The following DAOA variants were observed in gnomAD, a reference collection of about 807,000 sequenced individuals.
The protein encoded by DAOA is D-amino acid oxidase regulator.
A neutral mutation model predicts 16.4 loss-of-function variants in DAOA; 15 were observed. That is an observed-to-expected ratio of 0.91 (90% CI 0.61 to 1.41). The LOEUF (loss-of-function observed/expected upper bound fraction) is 1.41. Ranked by LOEUF, DAOA falls within the 40% of genes most tolerant of loss-of-function variation. The probability of loss-of-function intolerance (pLI) is 0.00; values close to 1 mark genes in which losing one functional copy is unlikely to be tolerated. For synonymous variants in DAOA, 75 were observed against 59.1 expected, an observed-to-expected ratio of 1.27 and a Z score of -1.23; for missense variants, 230 against 176.8, an observed-to-expected ratio of 1.30 and a Z score of -1.71.
chr13:105,467,262 A>G, intron 3 of DAOA, 121 bp downstream of exon 3: 1 of 1,083,178 alleles, frequency 9.2e-7, no homozygotes, highest in Non-Finnish European at 1.3e-6. Flanking sequence ...ATTAATTTGT[A>G]AGATACAGGA....
chr13:105,470,265 C>T (rs1876838352), intron 3 of DAOA, among the ~76,000 whole-genome samples: 1 of 152,062 alleles, frequency 6.6e-6, no homozygotes. Context: ...GTATTAAGCA[C>T]ACTGTCCTCA....
At chr13:105,473,459 A>T (rs1006234330) in intron 4 of DAOA, among the ~76,000 whole-genome samples, 1 of 152,178 alleles carries the variant, frequency 6.6e-6, no homozygotes, top group African/African-American at 2.4e-5. Context: ...AGTTAAAATC[A>T]GTTGCAAAAT....
chr13:105,472,408 C>T (rs1877021392), intron 3 of DAOA, 130 bp from the exon 4 acceptor site: 32 of 1,322,888 alleles, frequency 2.4e-5, no homozygotes, highest in Non-Finnish European at 3.2e-5. Context: ...TTGTCTTAAC[C>T]AAAAACCTCT....
intron 5 of DAOA, 170 bp downstream of exon 5, chr13:105,490,362 G>A (rs966818086): frequency 1.0e-5 from 2 of 196,156 alleles, no homozygotes; most frequent in Non-Finnish European, 1.9e-5. Flanking sequence ...ATTATTGAAA[G>A]TTACACATAC....
At chr13:105,488,835 A>G (rs1878314248) in intron 4 of DAOA, among the ~76,000 whole-genome samples, 1 of 152,140 alleles carries the variant, frequency 6.6e-6, no homozygotes, top group Admixed American at 6.6e-5. Flanking sequence ...TGTTTCAAAT[A>G]CTCTGATGGT....
chr13:105,475,899 C>A (rs1877297093), intron 4 of DAOA, among the ~76,000 whole-genome samples: 1 of 152,008 alleles, frequency 6.6e-6, no homozygotes, highest in Non-Finnish European at 1.5e-5. Flanking sequence ...TGTGTAATGG[C>A]TTCAATTATT....
intron 3 of DAOA, 52 bp from the exon 4 acceptor site, chr13:105,472,486 A>T: frequency 6.4e-7 from 1 of 1,555,712 alleles, no homozygotes; most frequent in South Asian, 1.2e-5. Context: ...TGTATGTTAA[A>T]AGATGTGATA....
At chr13:105,476,356 T>G (rs1048387506) in intron 4 of DAOA, among the ~76,000 whole-genome samples, 1 of 152,012 alleles carries the variant, frequency 6.6e-6, no homozygotes, top group African/African-American at 2.4e-5. Context: ...ACTTTTTAAA[T>G]AGACCAAATT....
At position 105,469,749 on chromosome 13, in the gene DAOA, A is replaced by C. The variant is rs541348715; in HGVS notation, c.133+2608A>C. Among the ~76,000 whole-genome samples the C allele has an allele frequency of 9.3e-4, 142 of 152,322 alleles. 2 individuals carry two copies. Among genetic ancestry groups the C allele is most frequent in the African/African-American group, 3.1e-3 (128 of 41,580 alleles). On this transcript the variant is annotated intron_variant, in intron 3 of 5. Transcript: ENST00000375936. Reference sequence around the variant, plus strand: ...TAAAAGCCCTAAATTTGTCAAGAAAAAGAAAATGGTATCAAGCTGAATTTT... The same window carrying C: ...TAAAAGCCCTAAATTTGTCAAGAAACAGAAAATGGTATCAAGCTGAATTTT...
chr13:105,472,652 C>CT lies in DAOA; in HGVS notation c.250dup (p.Trp84LeufsTer13). On this transcript the variant is annotated frameshift_variant, in exon 4 of 6. Coordinates refer to ENST00000375936, the MANE Select transcript of DAOA (RefSeq NM_172370.5). LOFTEE classifies it high-confidence loss of function. ...AGGCATTTACAGAGATCATTATGTCCTTGGGTCTCTTACCTTCCTCAGCCC... is the reference window on the plus strand; with the variant it reads ...AGGCATTTACAGAGATCATTATGTCCTTTGGGTCTCTTACCTTCCTCAGCCC... The CT allele has an allele frequency of 6.2e-7, 1 of 1,613,970 alleles. No individual in the cohort carries two copies.
At chr13:105,490,445 T>C (rs993002899) in intron 5 of DAOA, 2 of 153,118 alleles carry the variant, frequency 1.3e-5, no homozygotes, top group African/African-American at 4.8e-5. Context: ...TTTTGAATAG[T>C]TAGTGAATTT....
At chr13:105,468,893 T>C (rs1390837864) in intron 3 of DAOA, among the ~76,000 whole-genome samples, 1 of 152,172 alleles carries the variant, frequency 6.6e-6, no homozygotes, top group Non-Finnish European at 1.5e-5. Context: ...AGAAGCGAGA[T>C]CTTGGAGCAT....
chr13:105,475,180 C>T (rs3916968), intron 4 of DAOA: 94,054 of 301,528 alleles, frequency 0.31, 14,675 homozygotes, highest in Middle Eastern at 0.37. Flanking sequence ...ACCACACTCT[C>T]ATTTAATATA....
chr13:105,478,270 T>C (rs922916406), intron 4 of DAOA, among the ~76,000 whole-genome samples: 4 of 152,224 alleles, frequency 2.6e-5, no homozygotes, highest in Non-Finnish European at 4.4e-5. Flanking sequence ...AGGAAGATTA[T>C]GGTGTGTTTC....
intron 4 of DAOA, among the ~76,000 whole-genome samples, chr13:105,479,520 C>G (rs1342347509): frequency 6.6e-6 from 1 of 152,186 alleles, no homozygotes; most frequent in Non-Finnish European, 1.5e-5. Context: ...CCAGGCTTCT[C>G]TCCGACTTCC....
chr13:105,486,972 C>T (rs1331344820), intron 4 of DAOA, among the ~76,000 whole-genome samples: 1 of 152,080 alleles, frequency 6.6e-6, no homozygotes, highest in African/African-American at 2.4e-5. Flanking sequence ...CTCCCCTCTC[C>T]ATTACAGGTC....
intron 4 of DAOA, among the ~76,000 whole-genome samples, chr13:105,479,930 A>G (rs1877593977): frequency 6.6e-6 from 1 of 152,198 alleles, no homozygotes; most frequent in African/African-American, 2.4e-5. Flanking sequence ...ATACAGTTGG[A>G]GTCAAGATGC....
intron 3 of DAOA, among the ~76,000 whole-genome samples, chr13:105,472,255 T>G (rs978036116): frequency 7.2e-5 from 11 of 152,216 alleles, no homozygotes; most frequent in African/African-American, 2.7e-4. Flanking sequence ...TTCGTGCCAT[T>G]TTGATATTTT....
chr13:105,480,566 AG>A (rs1877664242), intron 4 of DAOA, among the ~76,000 whole-genome samples: 1 of 148,376 alleles, frequency 6.7e-6, no homozygotes, highest in East Asian at 2.0e-4. Flanking sequence ...ATAGATAGAT[AG>A]ATAGCATTTG....
Sources: allele counts gnomAD v4.1 joint callset (sites outside exome capture counted in the v4.1 genomes callset), GRCh38; gene constraint gnomAD v4.1.1; transcripts MANE v1.5; gene names NCBI Gene and HGNC (gene_info 2026-07-23, HGNC 2026-07-21).